Variants in FRS2 observed in about 807,000 individuals in gnomAD.
The protein encoded by FRS2 is FGFR signalling adaptor.
Under a neutral mutation model 43.9 loss-of-function variants are expected in FRS2, and 8 were observed. That is an observed-to-expected ratio of 0.18 (90% confidence interval 0.11 to 0.33). The LOEUF (loss-of-function observed/expected upper bound fraction) is 0.33, where lower values mean the gene tolerates loss of function less well. FRS2 is among the 10% of genes least tolerant of loss of function. The probability of loss-of-function intolerance (pLI) is 1.00; values close to 1 mark genes in which losing one functional copy is unlikely to be tolerated. For synonymous variants in FRS2, 219 were observed against 220.3 expected (o/e 0.99, Z 0.05); for missense variants, 534 against 627.6 (o/e 0.85, Z 1.59).
intron 7 of FRS2, among the ~76,000 whole-genome samples, chr12:69,571,875 A>C (rs745705115): frequency 6.6e-5 from 10 of 152,212 alleles, no homozygotes; most frequent in Non-Finnish European, 1.2e-4. Context: ...AAAACAAAAC[A>C]AAACAAAACA....
chr12:69,514,537 T>A (rs1442215072), intron 1 of FRS2, among the ~76,000 whole-genome samples: 1 of 152,124 alleles, frequency 6.6e-6, no homozygotes, highest in Non-Finnish European at 1.5e-5. Flanking sequence ...TCTGCAATTA[T>A]AAGACGGGAG....
At chr12:69,546,580 A>C (rs1040667037) in intron 3 of FRS2, among the ~76,000 whole-genome samples, 3 of 151,994 alleles carry the variant, frequency 2.0e-5, no homozygotes, top group African/African-American at 7.2e-5. Flanking sequence ...TTGAGTAGAG[A>C]TGGGGTTTTA....
rs994917056 is a variant in FRS2, at chr12:69,470,526, G to C, written c.-265G>C. ...CCCTGCTCCCTCTCAGCACCTGGGC[G>C]GACGGTGAGTGGCTAGGGAAACGGA... On this transcript the variant is annotated 5_prime_UTR_variant, in exon 1 of 9. Transcript: ENST00000549921. 1 of 398,610 alleles carries C rather than the reference G, an allele frequency of 2.5e-6. No individual in the cohort carries two copies. Among genetic ancestry groups the C allele is most frequent in the Admixed American group, 4.4e-5 (1 of 22,742 alleles). 24.7% of individuals were successfully genotyped at this position (398,610 alleles called of 1,614,324 possible). A position where few individuals can be genotyped will look rare whatever the true frequency, so the allele number is the denominator to read the frequency against.
At chr12:69,565,618 TA>T (rs1369654965) in intron 4 of FRS2, among the ~76,000 whole-genome samples, 1 of 152,164 alleles carries the variant, frequency 6.6e-6, no homozygotes, top group African/African-American at 2.4e-5. Context: ...AAACTTCTGT[TA>T]AAAACTAAGA....
chr12:69,561,642 T>C (rs1035002337), intron 3 of FRS2, among the ~76,000 whole-genome samples: 7 of 152,216 alleles, frequency 4.6e-5, no homozygotes, highest in African/African-American at 7.2e-5. Flanking sequence ...TGCTTGTTCA[T>C]ACTGTTGATT....
intron 1 of FRS2, among the ~76,000 whole-genome samples, chr12:69,491,045 G>T (rs1872432030): frequency 2.0e-5 from 3 of 152,196 alleles, no homozygotes. Context: ...TAGGTCCCAT[G>T]CCCTAAGGCA....
Position 69,577,817 on chromosome 12 carries a change from A to G in FRS2, c.*2862A>G, listed in dbSNP as rs1332998538. 1.3e-5 allele frequency: 2 copies of G among 152,516 alleles called. No homozygotes were observed. The highest frequency in any genetic ancestry group is 4.8e-5 in the African/African-American group (2 of 41,408). 9.4% of individuals were successfully genotyped at this position (152,516 alleles called of 1,614,324 possible). On this transcript the variant is annotated 3_prime_UTR_variant, in exon 9 of 9. Coordinates refer to ENST00000549921, the MANE Select transcript of FRS2 (RefSeq NM_001278356.2). ...TGTGGAGTGATGAGATATGCACTTT[A>G]CTCTTTAAGATTCAGCAAAAAGCTT...
At chr12:69,547,830 C>CTTTTTTTTTTT (rs71094722) in intron 3 of FRS2, among the ~76,000 whole-genome samples, 3 of 102,776 alleles carry the variant, frequency 2.9e-5, no homozygotes, top group East Asian at 3.4e-4. Context: ...TCCATTAATA[C>CTTTTTTTTTTT]TTTTTTTTTT....
In FRS2 at chr12:69,574,064, G is replaced by T; in HGVS notation, c.636G>T (p.Val212=). 4 of 1,614,198 alleles carry T rather than the reference G, an allele frequency of 2.5e-6. No homozygotes were observed. Among genetic ancestry groups the T allele is most frequent in the Non-Finnish European group, 3.4e-6 (4 of 1,180,028 alleles). Reference sequence around the variant, plus strand: ...AAGAGCGGAAAAACCGCACAAGTGTGCATGTTCCATTGGAGGCGAGGGTTT... The same window carrying T: ...AAGAGCGGAAAAACCGCACAAGTGTTCATGTTCCATTGGAGGCGAGGGTTT... ...VQEERKNRTS[V]HVPLEARVSN... is the part of the protein sequence containing the mutation. Residue 212 remains valine (V), a synonymous_variant, in exon 9 of 9, where the codon GTG becomes GTT. Transcript: ENST00000549921.
At chr12:69,491,505 ATTTTTTTTTTTTTTT>A (rs35140712) in intron 1 of FRS2, 1 of 81,886 alleles carries the variant, frequency 1.2e-5, no homozygotes, top group African/African-American at 5.0e-5. Flanking sequence ...CGTTTCTTCC[ATTTTTTTTTTTTTTT>A]TTTTTTTTTG....
At chr12:69,478,722 TTATGTG>T (rs1035496077) in intron 1 of FRS2, among the ~76,000 whole-genome samples, 48 of 99,906 alleles carry the variant, frequency 4.8e-4, no homozygotes, top group African/African-American at 1.6e-3. Context: ...ACATACATCA[TTATGTG>T]TGTGTGTGTG....
chr12:69,522,587 G>C (rs1875794986), intron 1 of FRS2, among the ~76,000 whole-genome samples: 1 of 152,070 alleles, frequency 6.6e-6, no homozygotes, highest in Non-Finnish European at 1.5e-5. Flanking sequence ...TTGTGTCTCA[G>C]TCTACTTTGG....
At chr12:69,507,247 G>A (rs1282653716) in intron 1 of FRS2, among the ~76,000 whole-genome samples, 1 of 152,118 alleles carries the variant, frequency 6.6e-6, no homozygotes, top group Non-Finnish European at 1.5e-5. Context: ...AGTGCAGGAG[G>A]AGTATGCCTT....
chr12:69,499,191 C>T (rs1276771810), intron 1 of FRS2, among the ~76,000 whole-genome samples: 2 of 152,058 alleles, frequency 1.3e-5, no homozygotes, highest in African/African-American at 4.8e-5. Flanking sequence ...AGAAGTGTAA[C>T]CTAGTGAAAA....
chr12:69,525,274 AT>A (rs1463108029), intron 1 of FRS2, among the ~76,000 whole-genome samples: 1 of 151,866 alleles, frequency 6.6e-6, no homozygotes, highest in Non-Finnish European at 1.5e-5. Context: ...AACCACAAGT[AT>A]TTAAATATGC....
At chr12:69,544,084 C>CG (rs1378101380) in intron 3 of FRS2, among the ~76,000 whole-genome samples, 48 of 16,300 alleles carry the variant, frequency 2.9e-3, no homozygotes, top group Admixed American at 8.8e-3. Context: ...TGGGCAGGGT[C>CG]GGGGGGGTGG....
chr12:69,529,087 T>C (rs913147256), intron 1 of FRS2, among the ~76,000 whole-genome samples: 4 of 152,160 alleles, frequency 2.6e-5, no homozygotes, highest in Admixed American at 2.0e-4. Context: ...CTGGACTCAG[T>C]TGGAGAATTC....
chr12:69,542,689 A>T (rs559529006), intron 3 of FRS2, among the ~76,000 whole-genome samples: 1 of 152,286 alleles, frequency 6.6e-6, no homozygotes, highest in South Asian at 2.1e-4. Context: ...TAGACCAAAG[A>T]TGTTGGTGTT....
At position 69,570,462 on chromosome 12, in the gene FRS2, C is replaced by T. The variant is rs530035836; in HGVS notation, c.198C>T (p.Gly66=). The T allele has an allele frequency of 4.3e-6, 7 of 1,612,854 alleles. No individual in the cohort carries two copies. The African/African-American group carries it at 9.3e-5, about 21-fold the overall frequency. ...KWHYLCLRRY[G]YDSNLFSFES... ...ACTACCTCTGCCTGCGACGCTATGG[C>T]TATGACTCGAATCTCTTTTCTTTTG... Residue 66 remains glycine, a synonymous_variant, in exon 6 of 9, where the codon GGC becomes GGT. Transcript: ENST00000549921.
Sources: gnomAD v4.1 joint callset for allele counts (sites outside exome capture counted in the v4.1 genomes callset) on GRCh38, gnomAD v4.1.1 for gene constraint, MANE v1.5 for transcripts, NCBI Gene and HGNC (gene_info 2026-07-23, HGNC 2026-07-21) for gene names.